The following CNOT2 variants were observed in gnomAD, a reference collection of about 807,000 sequenced individuals.
CNOT2 encodes CCR4-NOT transcription complex subunit 2.
In CNOT2, 7 loss-of-function variants were observed where a neutral mutation model predicts 72.1. The observed-to-expected ratio is 0.10, with a 90% CI of 0.06 to 0.18. The LOEUF is 0.18. Ranked by LOEUF, CNOT2 falls within the 10% of genes least tolerant of loss-of-function variation. The pLI, the probability that CNOT2 is intolerant of heterozygous loss-of-function variation, is 1.00. For missense variants in CNOT2, 345 were observed against 660.3 expected (o/e 0.52, Z 5.23); for synonymous variants, 196 against 225.6 (o/e 0.87, Z 1.17).
chr12:70,323,811 T>G (rs1308338477), intron 4 of CNOT2: 1 of 151,916 alleles, frequency 6.6e-6, no homozygotes, highest in East Asian at 1.9e-4. Context: ...AAAACATCCT[T>G]TTTGTGTGTG....
At position 70,342,104 on chromosome 12, in the gene CNOT2, C is replaced by A; in HGVS notation, c.1179-3C>A. 1 of 1,562,484 alleles carries A rather than the reference C, an allele frequency of 6.4e-7. No homozygotes were observed. The highest frequency in any genetic ancestry group is 8.8e-7 in the Non-Finnish European group (1 of 1,133,100). ...AAAATGTTTTCTTTTCCTCCTTATT[C>A]AGAAATCTCTACCCCAAATTTGCGT... On this transcript the variant is annotated splice_region_variant and splice_polypyrimidine_tract_variant and intron_variant, in intron 11 of 15. Transcript: ENST00000229195.
chr12:70,244,506 T>C (rs889882001), intron 1 of CNOT2, among the ~76,000 whole-genome samples: 4 of 152,206 alleles, frequency 2.6e-5, no homozygotes, highest in Non-Finnish European at 5.9e-5. Flanking sequence ...TTAGACCTTA[T>C]ATTTATTCCA....
At chr12:70,296,765 C>T (rs996232279) in intron 2 of CNOT2, among the ~76,000 whole-genome samples, 8 of 148,622 alleles carry the variant, frequency 5.4e-5, no homozygotes, top group Non-Finnish European at 8.9e-5. Flanking sequence ...AAGCCCCCCC[C>T]CCTTTTTAAA....
chr12:70,247,188 C>T (rs1290517388), intron 1 of CNOT2, among the ~76,000 whole-genome samples: 9 of 150,030 alleles, frequency 6.0e-5, no homozygotes, highest in African/African-American at 4.9e-5. Flanking sequence ...TTCTTTGAGA[C>T]GAAGTTTTGC....
At position 70,295,731 on chromosome 12, in the gene CNOT2, CT is replaced by C. The variant is rs530545594; in HGVS notation, c.49-15161del. Among the ~76,000 whole-genome samples the C allele has an allele frequency of 7.4e-3, 1,133 of 152,170 alleles. 8 individuals are homozygous for C. Among genetic ancestry groups the C allele is most frequent in the South Asian group, 0.011 (54 of 4,826 alleles). ...TAAGAGGTACTAATTATATTTAGTT[CT>C]TTAGTATATGTGTACTTTTTTCCTA... On this transcript the variant is annotated intron_variant, in intron 2 of 15. Transcript: ENST00000229195.
chr12:70,293,848 A>G (rs1231601533), intron 2 of CNOT2, among the ~76,000 whole-genome samples: 1 of 151,052 alleles, frequency 6.6e-6, no homozygotes, highest in African/African-American at 2.4e-5. Context: ...ACATGTTTTC[A>G]TAATGGCCAG....
intron 3 of CNOT2, 122 bp from the exon 4 acceptor site, chr12:70,319,176 T>C (rs985945152): frequency 5.4e-6 from 4 of 742,076 alleles, no homozygotes; most frequent in African/African-American, 3.5e-5. Context: ...TTTTATGTTT[T>C]TCTGAAGAAT....
intron 8 of CNOT2, chr12:70,336,076 T>C (rs1476137501): frequency 6.6e-6 from 1 of 152,478 alleles, no homozygotes; most frequent in East Asian, 1.9e-4. Flanking sequence ...TAAGCAATAT[T>C]CCTGGCCTTG....
chr12:70,298,602 ATTATT>A (rs986342187), intron 2 of CNOT2, among the ~76,000 whole-genome samples: 11 of 152,246 alleles, frequency 7.2e-5, no homozygotes, highest in African/African-American at 2.7e-4. Context: ...ATAATTTATT[ATTATT>A]TTATAGTTAT....
chr12:70,300,240 A>T (rs937474858), intron 2 of CNOT2, among the ~76,000 whole-genome samples: 9 of 151,966 alleles, frequency 5.9e-5, no homozygotes, highest in African/African-American at 2.2e-4. Flanking sequence ...CCCATTTGTC[A>T]ATTTTGGCTT....
chr12:70,312,544 T>TA (rs1249337256), intron 3 of CNOT2, among the ~76,000 whole-genome samples: 1 of 151,984 alleles, frequency 6.6e-6, no homozygotes, highest in Non-Finnish European at 1.5e-5. Context: ...TATATATACT[T>TA]ACACACATAC....
intron 2 of CNOT2, among the ~76,000 whole-genome samples, chr12:70,284,821 G>A (rs1282356435): frequency 6.6e-6 from 1 of 152,116 alleles, no homozygotes; most frequent in Non-Finnish European, 1.5e-5. Context: ...CAAGACACCT[G>A]GTTTATAGCA....
At chr12:70,306,142 G>C (rs1875336275) in intron 2 of CNOT2, among the ~76,000 whole-genome samples, 1 of 151,910 alleles carries the variant, frequency 6.6e-6, no homozygotes, top group Non-Finnish European at 1.5e-5. Flanking sequence ...ACTTATCTCT[G>C]TATTTTTAAT....
chr12:70,334,884 C>G (rs1880456448), intron 7 of CNOT2: 1 of 152,482 alleles, frequency 6.6e-6, no homozygotes. Flanking sequence ...TTGTACCCCA[C>G]CCTCAAAATG....
chr12:70,279,663 T>C (rs1420064474), intron 2 of CNOT2, among the ~76,000 whole-genome samples: 1 of 152,218 alleles, frequency 6.6e-6, no homozygotes, highest in East Asian at 1.9e-4. Context: ...TTTAAGAATT[T>C]TGTGATTCTG....
At chr12:70,271,059 G>C (rs963858306) in intron 1 of CNOT2, among the ~76,000 whole-genome samples, 14 of 152,142 alleles carry the variant, frequency 9.2e-5, no homozygotes, top group Admixed American at 6.5e-5. Context: ...TTGTGTGGTT[G>C]GTTAATGCAG....
intron 1 of CNOT2, among the ~76,000 whole-genome samples, chr12:70,249,414 T>A (rs1016203767): frequency 6.6e-6 from 1 of 151,800 alleles, no homozygotes; most frequent in African/African-American, 2.4e-5. Flanking sequence ...GTTTAAAACT[T>A]AGCATTTATG....
intron 1 of CNOT2, among the ~76,000 whole-genome samples, chr12:70,263,932 C>T (rs1958901221): frequency 6.6e-6 from 1 of 152,106 alleles, no homozygotes; most frequent in Admixed American, 6.5e-5. Flanking sequence ...AGGGTACAGC[C>T]TTGGACATGG....
intron 1 of CNOT2, among the ~76,000 whole-genome samples, chr12:70,257,927 G>T (rs1342969005): frequency 6.6e-6 from 1 of 152,124 alleles, no homozygotes; most frequent in Admixed American, 6.5e-5. Flanking sequence ...TACATTCTCT[G>T]CAGCTCTGTG....
Sources: gnomAD v4.1 joint callset for allele counts (sites outside exome capture counted in the v4.1 genomes callset) on GRCh38, gnomAD v4.1.1 for gene constraint, MANE v1.5 for transcripts, NCBI Gene and HGNC (gene_info 2026-07-23, HGNC 2026-07-21) for gene names.